The following ATXN2L variants were observed in gnomAD, a reference collection of about 807,000 sequenced individuals.
The protein encoded by ATXN2L is ataxin 2 like.
Under a neutral mutation model 120.7 loss-of-function variants are expected in ATXN2L, and 24 were observed. That is an observed-to-expected ratio of 0.20 (90% CI 0.14 to 0.28). The LOEUF is 0.28. Ranked by LOEUF, ATXN2L falls within the 10% of genes least tolerant of loss-of-function variation. The probability of loss-of-function intolerance (pLI) is 1.00; values close to 1 mark genes in which losing one functional copy is unlikely to be tolerated. For synonymous variants in ATXN2L, 653 were observed against 568.1 expected (o/e 1.15, Z -2.13); for missense variants, 1,312 against 1,432.3 (o/e 0.92, Z 1.36).
rs189340289 is a variant in ATXN2L, at chr16:28,827,505, T to C, written c.741+519T>C. On this transcript the variant is annotated intron_variant, in intron 6 of 21. Transcript: ENST00000336783. Reference sequence around the variant, plus strand: ...CCTAGCATTTGCATCACGTTATTTTTCAACATAACAAAAAGTATAGATTAA... The same window carrying C: ...CCTAGCATTTGCATCACGTTATTTTCCAACATAACAAAAAGTATAGATTAA... Among the ~76,000 whole-genome samples, 10 of 152,318 alleles carry C rather than the reference T, an allele frequency of 6.6e-5. No individual in the cohort carries two copies. In the East Asian group the frequency reaches 1.9e-3, roughly 29 times the overall value.
chr16:28,829,976 G>A lies in ATXN2L; in HGVS notation c.952G>A (p.Asp318Asn), dbSNP rs1470691071. Residue 318 changes from aspartate to asparagine, a missense_variant, in exon 8 of 22, where the codon GAC becomes AAC. By Grantham distance (23) the Asp-to-Asn change is conservative. Coordinates refer to ENST00000336783, the MANE Select transcript of ATXN2L (RefSeq NM_007245.4). ...QYRLRIAMEN[D>N]DGRTEEEKHS... is the part of the protein sequence containing the mutation. ...CCGCCTACGGATCGCCATGGAGAACGACGATGGGCGCACTGAAGAGGAGAA... is the reference window on the plus strand; with the variant it reads ...CCGCCTACGGATCGCCATGGAGAACAACGATGGGCGCACTGAAGAGGAGAA... 6 of 1,614,218 alleles carry A rather than the reference G, an allele frequency of 3.7e-6. No homozygotes were observed. Among genetic ancestry groups the A allele is most frequent in the Admixed American group, 1.7e-5 (1 of 60,030 alleles).
intron 4 of ATXN2L, 134 bp from the exon 5 acceptor site, chr16:28,826,106 T>C (rs2051851249): frequency 1.9e-6 from 2 of 1,069,970 alleles, no homozygotes; most frequent in Non-Finnish European, 2.7e-6. Flanking sequence ...TCCAAGCATG[T>C]TGAGGATGTA....
chr16:28,836,710 T>G lies in ATXN2L; in HGVS notation c.*445T>G. 1 of 1,613,798 alleles carries G rather than the reference T, an allele frequency of 6.2e-7. No individual in the cohort carries two copies. The highest frequency in any genetic ancestry group is 8.5e-7 in the Non-Finnish European group (1 of 1,179,960). On this transcript the variant is annotated 3_prime_UTR_variant, in exon 22 of 22. Transcript: ENST00000336783. ...GGGTTCTAATGCTCCTGCTCTCTTC[T>G]CTTTCCCCTCCAACCAGTTCAATCT...
rs1395750441 is a variant in ATXN2L at position 28,833,136 on chromosome 16, G to A, written c.1737G>A (p.Lys579=). 1.2e-6 allele frequency: 2 copies of A among 1,614,226 alleles called. No homozygotes were observed. The highest frequency in any genetic ancestry group is 3.3e-5 in the Admixed American group (2 of 60,030). The change falls in exon 14 of 22, where the codon AAG becomes AAA. Residue 579 remains lysine (K), a synonymous_variant. Transcript: ENST00000336783. The stretch of plus-strand genomic sequence containing the variant: ...TCTTAAAGGAGGAGCCCAAAGGAAA[G>A]GAGAAAGAGGTTGATGGTCTGTTGA... ...PRILKEEPKG[K]EKEVDGLLTS... is the part of the protein sequence containing the mutation.
At chr16:28,833,552 G>T in intron 15 of ATXN2L, 44 bp downstream of exon 15, 1 of 1,590,010 alleles carries the variant, frequency 6.3e-7, no homozygotes, top group South Asian at 1.1e-5. Flanking sequence ...TCTGTGGGGA[G>T]ACTTGGGCAG....
chr16:28,824,391 C>G, intron 1 of ATXN2L: 1 of 1,265,034 alleles, frequency 7.9e-7, no homozygotes. Flanking sequence ...GGTTTTAGTG[C>G]GCAGGCGCAG....
chr16:28,833,050 C>T lies in ATXN2L; in HGVS notation c.1660-9C>T, dbSNP rs757942959. Reference sequence around the variant, plus strand: ...GTCAGACTGGACTGTGTGTGTTTCTCTCTTCCAGCTTCAGCCCAGTAGCTC... The same window carrying T: ...GTCAGACTGGACTGTGTGTGTTTCTTTCTTCCAGCTTCAGCCCAGTAGCTC... On this transcript the variant is annotated splice_polypyrimidine_tract_variant and intron_variant, in intron 13 of 21. Coordinates refer to ENST00000336783, the MANE Select transcript of ATXN2L (RefSeq NM_007245.4). 2.5e-6 allele frequency: 4 copies of T among 1,612,760 alleles called. 1 individual carries two copies. Among genetic ancestry groups the T allele is most frequent in the South Asian group, 2.2e-5 (2 of 91,012 alleles).
chr16:28,824,160 T>A, intron 1 of ATXN2L: 2 of 1,020,710 alleles, frequency 2.0e-6, no homozygotes, highest in Non-Finnish European at 2.4e-6. Context: ...TACGTGCGCG[T>A]GGATGCTCGG....
chr16:28,824,288 CGA>C lies in ATXN2L; in HGVS notation c.299+732_299+733del, dbSNP rs1271743991. ...GAGGCCCTGCTCAGTTTTTCCTGTGCGAGTGTGTGTGTGTTAATGGAATTAAG... is the reference window on the plus strand; with the variant it reads ...GAGGCCCTGCTCAGTTTTTCCTGTGCGTGTGTGTGTGTTAATGGAATTAAG... On this transcript the variant is annotated intron_variant, in intron 1 of 21. Transcript: ENST00000336783. The C allele has an allele frequency of 3.4e-6, 4 of 1,168,324 alleles. No individual in the cohort carries two copies. The African/African-American group carries it at 6.5e-5, about 19-fold the overall frequency. The allele number at this position is 1,168,324 out of a possible 1,614,324, so 72.4% of individuals were successfully genotyped here.
Position 28,830,658 on chromosome 16 carries a change from C to T in ATXN2L, c.1078C>T (p.Pro360Ser), listed in dbSNP as rs1232765989. 1.9e-6 allele frequency: 3 copies of T among 1,611,672 alleles called. No individual in the cohort carries two copies. Among genetic ancestry groups the T allele is most frequent in the East Asian group, 2.2e-5 (1 of 44,714 alleles). Residue 360 changes from proline to serine, a missense_variant, in exon 9 of 22, where the codon CCC becomes TCC. Coordinates refer to ENST00000336783, the MANE Select transcript of ATXN2L (RefSeq NM_007245.4). ...IPLPQRVREG[P>S]RGGVRCSSSR... ...TCTGCCTCAACGAGTCCGGGAAGGT[C>T]CCCGGGGAGGAGTTCGATGCAGCAG...
intron 16 of ATXN2L, 64 bp downstream of exon 16, chr16:28,834,275 G>C: frequency 6.2e-7 from 1 of 1,610,596 alleles, no homozygotes. Flanking sequence ...CTGGTTGAGG[G>C]ACCAGGTCAG....
At chr16:28,824,816 A>G (rs2051206456) in intron 1 of ATXN2L, among the ~76,000 whole-genome samples, 1 of 151,962 alleles carries the variant, frequency 6.6e-6, no homozygotes, top group East Asian at 1.9e-4. Flanking sequence ...ATTGACAACC[A>G]TTGTTGATTG....
chr16:28,826,586 T>C, intron 5 of ATXN2L, 196 bp downstream of exon 5: 2 of 616,380 alleles, frequency 3.2e-6, no homozygotes, highest in Non-Finnish European at 5.4e-6. Context: ...ATGTCTAATA[T>C]ATAATGCGAT....
intron 1 of ATXN2L, among the ~76,000 whole-genome samples, chr16:28,825,112 G>C (rs1335182049): frequency 2.6e-5 from 4 of 151,666 alleles, no homozygotes; most frequent in African/African-American, 9.7e-5. Context: ...AGCCACTCGG[G>C]AGGCTGAGGC....
At position 28,836,234 on chromosome 16, in the gene ATXN2L, G is replaced by A; in HGVS notation, c.3197G>A (p.Gly1066Glu). 1 of 1,613,790 alleles carries A rather than the reference G, an allele frequency of 6.2e-7. No homozygotes were observed. The highest frequency in any genetic ancestry group is 8.5e-7 in the Non-Finnish European group (1 of 1,179,802). ...WHGRAEGLQV[G>E]QDARVLGGE ...GGAAGAGCTGAGGGGCTGCAGGTGG[G>A]GCAGGATGCACGGGTTCTGGGTGGG... The change falls in exon 22 of 22, where the codon GGG (glycine) becomes GAG (glutamate). Residue 1066 changes from glycine (G) to glutamate (E), a missense_variant. By Grantham distance (98) the Gly-to-Glu change is moderately conservative (BLOSUM62 -2). Transcript: ENST00000336783.
In ATXN2L at chr16:28,823,506, C is replaced by A; in HGVS notation, c.247C>A (p.Pro83Thr). 7.2e-7 allele frequency: 1 copy of A among 1,388,140 alleles called. No homozygotes were observed. Among genetic ancestry groups the A allele is most frequent in the Non-Finnish European group, 9.3e-7 (1 of 1,073,776 alleles). 86.0% of individuals were successfully genotyped at this position (1,388,140 alleles called of 1,614,324 possible). ...AGGCATCTTGGCGCCGCAGCCGCCG[C>A]CGCCGCAGCAACACCAGGAGAGGCC... Reference protein sequence around the residue: ...AEGILAPQPPPPQQHQERPGA... With the variant: ...AEGILAPQPPTPQQHQERPGA... The change falls in exon 1 of 22, where the codon CCG (proline) becomes ACG (threonine). Residue 83 changes from proline (P) to threonine (T), a missense_variant. Physicochemically the swap from Pro to Thr is conservative, Grantham distance 38. Transcript: ENST00000336783.
Position 28,834,189 on chromosome 16 carries a change from T to G in ATXN2L, c.2150T>G (p.Ile717Ser). ...SPQYISYIPQ[I>S]HMGPAVQAPQ... ...CAGTACATCTCCTACATACCTCAGA[T>G]CCACATGGGACCAGCTGTGCAGGTA... is the stretch of plus-strand genomic sequence containing the variant. Residue 717 changes from isoleucine to serine, a missense_variant, in exon 16 of 22, where the codon ATC becomes AGC. Physicochemically the swap from Ile to Ser is moderately radical, Grantham distance 142. Transcript: ENST00000336783. 6.2e-7 allele frequency: 1 copy of G among 1,613,960 alleles called. No homozygotes were observed.
chr16:28,826,815 T>C (rs945341785), intron 5 of ATXN2L, 47 bp from the exon 6 acceptor site: 10 of 1,491,974 alleles, frequency 6.7e-6, no homozygotes, highest in Non-Finnish European at 8.1e-6. Context: ...TGGAAAGAAG[T>C]CTGTGAAATA....
chr16:28,833,289 C>A lies in ATXN2L; in HGVS notation c.1890C>A (p.Ser630Arg). Residue 630 changes from serine (S) to arginine (R), a missense_variant, in exon 14 of 22, where the codon AGC (serine) becomes AGA (arginine). Coordinates refer to ENST00000336783, the MANE Select transcript of ATXN2L (RefSeq NM_007245.4). ...AGCAGCCCCCACCACCTTGTCCAAG[C>A]CAAACTGGCAGCCCCCCGGTGGGCC... Reference protein sequence around the residue: ...GPEQPPPPCPSQTGSPPVGLI... With the variant: ...GPEQPPPPCPRQTGSPPVGLI... The A allele has an allele frequency of 1.2e-6, 2 of 1,614,156 alleles. No homozygotes were observed. Among genetic ancestry groups the A allele is most frequent in the Non-Finnish European group, 1.7e-6 (2 of 1,180,012 alleles).
Sources: gnomAD v4.1 joint callset for allele counts (sites outside exome capture counted in the v4.1 genomes callset) on GRCh38, gnomAD v4.1.1 for gene constraint, MANE v1.5 for transcripts, NCBI Gene and HGNC (gene_info 2026-07-23, HGNC 2026-07-21) for gene names.